GRIK3: variants seen among roughly 807,000 people sequenced by gnomAD.
The protein encoded by GRIK3 is glutamate ionotropic receptor kainate type subunit 3, also known as glutamate receptor ionotropic, kainate 3.
GRIK3 carries 29 observed loss-of-function variants against 102.5 expected under a neutral mutation model. The ratio of observed to expected loss-of-function variants is 0.28; its 90% CI spans 0.21 to 0.39. GRIK3 has a LOEUF of 0.39. Ranked by LOEUF, GRIK3 falls within the 10% of genes least tolerant of loss-of-function variation. GRIK3 has a pLI of 1.00. For missense variants in GRIK3, 908 were observed against 1,252.4 expected (o/e 0.73, Z 4.15); for synonymous variants, 511 against 504.9 (o/e 1.01, Z -0.16).
At position 36,801,003 on chromosome 1, in the gene GRIK3, T is replaced by G. The variant is rs1642434215; in HGVS notation, c.*848A>C. On this transcript the variant is annotated 3_prime_UTR_variant, in exon 16 of 16. Transcript: ENST00000373091. ...ACTTCCATGGAATCTGCTTTTCCTC[T>G]GCTGGGCTTCAAATACCGGCTGCAT... The G allele has an allele frequency of 6.6e-6, 1 of 152,248 alleles. No homozygotes were observed. Among genetic ancestry groups the G allele is most frequent in the Admixed American group, 6.5e-5 (1 of 15,288 alleles). 9.4% of individuals were successfully genotyped at this position (152,248 alleles called of 1,614,324 possible). A position where few individuals can be genotyped will look rare whatever the true frequency, so the allele number is the denominator to read the frequency against.
chr1:36,914,583 G>A (rs1641379218), intron 1 of GRIK3, among the ~76,000 whole-genome samples: 1 of 152,198 alleles, frequency 6.6e-6, no homozygotes, highest in Non-Finnish European at 1.5e-5. Context: ...TGCCTCTGAG[G>A]TGTGAGCTAT....
intron 13 of GRIK3, among the ~76,000 whole-genome samples, chr1:36,813,649 C>A (rs1642588052): frequency 6.6e-6 from 1 of 152,082 alleles, no homozygotes; most frequent in African/African-American, 2.4e-5. Flanking sequence ...AACCAGAAGG[C>A]TATCACCTGG....
chr1:36,931,914 G>C (rs1641594854), intron 1 of GRIK3, among the ~76,000 whole-genome samples: 1 of 152,120 alleles, frequency 6.6e-6, no homozygotes, highest in East Asian at 1.9e-4. Flanking sequence ...TTTTCTCCTT[G>C]CTGATCCTGG....
chr1:36,899,032 C>G (rs1458088289), intron 1 of GRIK3, among the ~76,000 whole-genome samples: 2 of 152,100 alleles, frequency 1.3e-5, no homozygotes, highest in Admixed American at 1.3e-4. Context: ...AAAACTAACT[C>G]AAAATGGATC....
At chr1:36,837,431 C>T (rs1184577358) in intron 10 of GRIK3, among the ~76,000 whole-genome samples, 1 of 152,116 alleles carries the variant, frequency 6.6e-6, no homozygotes, top group East Asian at 1.9e-4. Context: ...CTCCTCTATC[C>T]AACCAATCGG....
Position 37,029,647 on chromosome 1 carries a change from C to T in GRIK3, c.115+4347G>A, listed in dbSNP as rs577328532. On this transcript the variant is annotated intron_variant, in intron 1 of 15. Coordinates refer to ENST00000373091, the MANE Select transcript of GRIK3 (RefSeq NM_000831.4). ...CTCAAGAGGAGGGGTAGTTCCACAG[C>T]CCACGGGGGCATCTGTGCTTCCTCC... 1.5e-4 allele frequency among the ~76,000 whole-genome samples: 23 copies of T among 152,326 alleles called. No homozygotes were observed. In the East Asian group the frequency reaches 4.2e-3, roughly 28 times the overall value.
intron 1 of GRIK3, among the ~76,000 whole-genome samples, chr1:37,021,947 A>G (rs1642719438): frequency 6.6e-6 from 1 of 152,224 alleles, no homozygotes; most frequent in East Asian, 1.9e-4. Context: ...AAGACTGTTG[A>G]GCCCCAGTTT....
intron 1 of GRIK3, among the ~76,000 whole-genome samples, chr1:36,957,296 C>CCTGTGTGCCCCAA (rs1557440114): frequency 2.3e-5 from 1 of 43,986 alleles, no homozygotes; most frequent in African/African-American, 1.7e-4. Flanking sequence ...GTGTGCCCCA[C>CCTGTGTGCCCCAA]GAGCCCGTGT....
chr1:36,981,807 C>G (rs1488244193), intron 1 of GRIK3, among the ~76,000 whole-genome samples: 1 of 152,228 alleles, frequency 6.6e-6, no homozygotes, highest in South Asian at 2.1e-4. Context: ...GTACCAGGCA[C>G]TGTTCTGGGC....
chr1:36,811,368 G>C (rs1202392337), intron 13 of GRIK3, among the ~76,000 whole-genome samples: 1 of 152,114 alleles, frequency 6.6e-6, no homozygotes, highest in Non-Finnish European at 1.5e-5. Context: ...TCTGTAAACT[G>C]GAGATAAACA....
chr1:36,893,081 A>G (rs1359225068), intron 1 of GRIK3, among the ~76,000 whole-genome samples: 1 of 152,186 alleles, frequency 6.6e-6, no homozygotes, highest in Non-Finnish European at 1.5e-5. Flanking sequence ...AAAATACTAT[A>G]AAAGTACCAA....
rs1028813866 is a variant in GRIK3, at chr1:36,872,538, A to G, written c.551-169T>C. Among the ~76,000 whole-genome samples the G allele has an allele frequency of 6.6e-6, 1 of 152,220 alleles. No homozygotes were observed. The highest frequency in any genetic ancestry group is 2.1e-4 in the South Asian group (1 of 4,830). Reference sequence around the variant, plus strand: ...TGTGCACGTGCATGGACAACACTGGAGAGCAGGTGTGTGTGCACATACAAA... The same window carrying G: ...TGTGCACGTGCATGGACAACACTGGGGAGCAGGTGTGTGTGCACATACAAA... On this transcript the variant is annotated intron_variant, in intron 3 of 15. Coordinates refer to ENST00000373091, the MANE Select transcript of GRIK3 (RefSeq NM_000831.4). The surrounding 1 kb of genome is among the most constrained non-coding windows in gnomAD (Gnocchi z 5.9).
At chr1:36,936,374 A>G (rs1341059956) in intron 1 of GRIK3, among the ~76,000 whole-genome samples, 1 of 152,340 alleles carries the variant, frequency 6.6e-6, no homozygotes, top group East Asian at 1.9e-4. Flanking sequence ...TGGAGTCTAG[A>G]AATCCCAAAG....
At chr1:36,848,490 T>C (rs1387815299) in intron 9 of GRIK3, among the ~76,000 whole-genome samples, 1 of 152,168 alleles carries the variant, frequency 6.6e-6, no homozygotes, top group Non-Finnish European at 1.5e-5. Context: ...GTCACACTTT[T>C]ATCCTTTTGC....
intron 1 of GRIK3, among the ~76,000 whole-genome samples, chr1:36,954,731 G>T (rs1557439082): frequency 1.3e-5 from 2 of 152,222 alleles, no homozygotes; most frequent in African/African-American, 4.8e-5. Flanking sequence ...AAGCACATGT[G>T]TACACACCTG....
At chr1:36,882,924 C>G (rs147775704) in intron 2 of GRIK3, among the ~76,000 whole-genome samples, 5 of 152,218 alleles carry the variant, frequency 3.3e-5, no homozygotes, top group Admixed American at 3.3e-4. Flanking sequence ...TTGCAACCAT[C>G]GGAGATCCAC....
intron 3 of GRIK3, among the ~76,000 whole-genome samples, chr1:36,879,690 C>T (rs1253705639): frequency 6.6e-6 from 1 of 152,132 alleles, no homozygotes; most frequent in African/African-American, 2.4e-5. Flanking sequence ...ACTTGGAAGG[C>T]AGGGCAGGAG....
At position 36,975,494 on chromosome 1, in the gene GRIK3, C is replaced by A. The variant is rs569182286; in HGVS notation, c.115+58500G>T. ...TATTTTTAGTAGAGACAGGGTTTCACTGTATTAGCCAGTATGGTCTCGATC... is the reference window on the plus strand; with the variant it reads ...TATTTTTAGTAGAGACAGGGTTTCAATGTATTAGCCAGTATGGTCTCGATC... On this transcript the variant is annotated intron_variant, in intron 1 of 15. Coordinates refer to ENST00000373091, the MANE Select transcript of GRIK3 (RefSeq NM_000831.4). Among the ~76,000 whole-genome samples, 7 of 152,270 alleles carry A rather than the reference C, an allele frequency of 4.6e-5. No homozygotes were observed. In the East Asian group the frequency reaches 1.4e-3, roughly 29 times the overall value.
intron 11 of GRIK3, among the ~76,000 whole-genome samples, chr1:36,823,275 C>G (rs1259482123): frequency 6.6e-6 from 1 of 151,902 alleles, no homozygotes; most frequent in East Asian, 1.9e-4. Flanking sequence ...AGATCGAGAC[C>G]ATCCTGGCTA....
Sources: gnomAD v4.1 joint callset for allele counts (sites outside exome capture counted in the v4.1 genomes callset) on GRCh38, gnomAD v4.1.1 for gene constraint, Gnocchi (gnomAD v3.1) non-coding constraint, MANE v1.5 for transcripts, NCBI Gene and HGNC (gene_info 2026-07-23, HGNC 2026-07-21) for gene names.